The following DLGAP1 variants were observed in gnomAD, a reference collection of about 807,000 sequenced individuals.
The protein encoded by DLGAP1 is DLG associated protein 1.
A neutral mutation model predicts 90.8 loss-of-function variants in DLGAP1; 11 were observed. That is an observed-to-expected ratio of 0.12 (90% CI 0.08 to 0.20). The LOEUF is 0.20. Among genes scored for constraint, DLGAP1 ranks in the 10% least tolerant of loss-of-function variants. The probability of loss-of-function intolerance (pLI) is 1.00; values close to 1 mark genes in which losing one functional copy is unlikely to be tolerated. For synonymous variants in DLGAP1, 558 were observed against 540.7 expected (o/e 1.03, Z -0.44); for missense variants, 1,050 against 1,333.8 (o/e 0.79, Z 3.31).
chr18:3,555,819 T>A (rs7359834), intron 9 of DLGAP1, among the ~76,000 whole-genome samples: 17 of 151,868 alleles, frequency 1.1e-4, no homozygotes, highest in East Asian at 1.9e-4. Context: ...TCAAAAAAAA[T>A]AAATAAATAA....
At chr18:3,900,107 G>A (rs1412470234) in intron 3 of DLGAP1, among the ~76,000 whole-genome samples, 1 of 152,222 alleles carries the variant, frequency 6.6e-6, no homozygotes, top group South Asian at 2.1e-4. Flanking sequence ...TCCAGTGGCA[G>A]GTAGATAAGC....
chr18:4,176,638 C>G (rs112785616), intron 1 of DLGAP1, among the ~76,000 whole-genome samples: 1 of 152,162 alleles, frequency 6.6e-6, no homozygotes, highest in Non-Finnish European at 1.5e-5. Context: ...TGTTTGTAGC[C>G]TACAGGTTGC....
intron 1 of DLGAP1, among the ~76,000 whole-genome samples, chr18:4,211,442 T>A (rs2077838825): frequency 6.6e-6 from 1 of 152,176 alleles, no homozygotes; most frequent in African/African-American, 2.4e-5. Context: ...TTAATTACCA[T>A]TTTTGGTAGG....
intron 3 of DLGAP1, among the ~76,000 whole-genome samples, chr18:3,998,144 A>C (rs2074106678): frequency 6.6e-6 from 1 of 152,180 alleles, no homozygotes. Context: ...GCAATACTCA[A>C]ATTTTAAAAT....
At chr18:4,239,693 A>G (rs969471051) in intron 1 of DLGAP1, among the ~76,000 whole-genome samples, 2 of 152,210 alleles carry the variant, frequency 1.3e-5, no homozygotes, top group Non-Finnish European at 2.9e-5. Flanking sequence ...GAGATGCTAA[A>G]CAAAGTGTCT....
chr18:3,684,885 T>C (rs1230590347), intron 7 of DLGAP1, among the ~76,000 whole-genome samples: 3 of 152,244 alleles, frequency 2.0e-5, no homozygotes, highest in African/African-American at 7.2e-5. Flanking sequence ...AGTAACTTAT[T>C]TGATAAAGTC....
At chr18:3,986,036 C>G (rs559697630) in intron 3 of DLGAP1, 1 of 152,316 alleles carries the variant, frequency 6.6e-6, no homozygotes, top group South Asian at 2.1e-4. Context: ...GTTCTTATAA[C>G]AACACAGTCC....
intron 5 of DLGAP1, among the ~76,000 whole-genome samples, chr18:3,787,555 T>G (rs1001766730): frequency 2.7e-5 from 4 of 150,036 alleles, no homozygotes; most frequent in Non-Finnish European, 5.9e-5. Flanking sequence ...ATGAATTTCC[T>G]CGTGACTTCA....
In DLGAP1 at chr18:4,342,979, G is replaced by A. The variant is rs531313439; in HGVS notation, c.-267+112027C>T. On this transcript the variant is annotated intron_variant, in intron 1 of 12. Transcript: ENST00000315677. The surrounding 1 kb of genome is among the most constrained non-coding windows in gnomAD (Gnocchi z 5.8). ...TATTTCAGATTCAGGATTGTACTGG[G>A]ATAAATATAATCTAAATCATAGTTG... 2.6e-5 allele frequency among the ~76,000 whole-genome samples: 4 copies of A among 152,254 alleles called. No homozygotes were observed. The South Asian group carries it at 8.3e-4, about 32-fold the overall frequency.
At chr18:4,186,348 G>T (rs921912627) in intron 1 of DLGAP1, among the ~76,000 whole-genome samples, 1 of 152,074 alleles carries the variant, frequency 6.6e-6, no homozygotes, top group African/African-American at 2.4e-5. Context: ...ATCAATCTCT[G>T]CTAGTTCCTA....
chr18:3,816,006 A>G (rs2148446872), intron 4 of DLGAP1, among the ~76,000 whole-genome samples: 1 of 152,324 alleles, frequency 6.6e-6, no homozygotes, highest in African/African-American at 2.4e-5. Flanking sequence ...GAAAATAAAA[A>G]GGCTTTTAAT....
intron 9 of DLGAP1, among the ~76,000 whole-genome samples, chr18:3,543,311 C>T (rs963868598): frequency 1.7e-4 from 26 of 152,050 alleles, no homozygotes; most frequent in African/African-American, 6.0e-4. Flanking sequence ...GATGGGACTA[C>T]AGGCGCCCAC....
intron 7 of DLGAP1, among the ~76,000 whole-genome samples, chr18:3,699,151 G>A (rs753863176): frequency 2.0e-5 from 3 of 151,984 alleles, no homozygotes; most frequent in Non-Finnish European, 2.9e-5. Context: ...CCATCAATTC[G>A]TCAAACTCAT....
chr18:3,772,157 TTTCTTTCTCTCCTTC>T lies in DLGAP1; in HGVS notation c.1173-29660_1173-29646del, dbSNP rs1471880203. ...TTCTTTCTCTCCTTCCTTCCTTCCC[TTTCTTTCTCTCCTTC>T]CTTTCTCTCCTTCCTTCCTTTCTCT... On this transcript the variant is annotated intron_variant, in intron 5 of 12. Transcript: ENST00000315677. Among the ~76,000 whole-genome samples, 145 of 129,380 alleles carry T rather than the reference TTTCTTTCTCTCCTTC, an allele frequency of 1.1e-3. 1 individual carries two copies. Among genetic ancestry groups the T allele is most frequent in the African/African-American group, 4.7e-3 (141 of 30,130 alleles). 84.9% of individuals were successfully genotyped at this position (129,380 alleles called of 152,430 possible). A position where few individuals can be genotyped will look rare whatever the true frequency, so the allele number is the denominator to read the frequency against.
Position 4,269,352 on chromosome 18 carries a change from A to AT in DLGAP1, c.-266-118066dup, listed in dbSNP as rs1354735064. On this transcript the variant is annotated intron_variant, in intron 1 of 12. Transcript: ENST00000315677. ...TATATACATATATATATATATATAT[A>AT]TATTTTTTTTTTTCTTTTTGAGACG... Among the ~76,000 whole-genome samples the AT allele has an allele frequency of 4.3e-3, 562 of 131,222 alleles. 4 individuals are homozygous for AT. The highest frequency in any genetic ancestry group is 0.014 in the African/African-American group (432 of 31,036). The allele number at this position is 131,222 out of a possible 152,430, so 86.1% of individuals were successfully genotyped here. A position where few individuals can be genotyped will look rare whatever the true frequency, so the allele number is the denominator to read the frequency against.
At chr18:4,133,222 C>T (rs751468297) in intron 2 of DLGAP1, among the ~76,000 whole-genome samples, 5 of 152,146 alleles carry the variant, frequency 3.3e-5, no homozygotes, top group African/African-American at 7.2e-5. Context: ...CCAGTAAGAA[C>T]ATGCCATGAG....
At chr18:3,609,224 T>A (rs1780802016) in intron 7 of DLGAP1, among the ~76,000 whole-genome samples, 1 of 152,112 alleles carries the variant, frequency 6.6e-6, no homozygotes, top group Non-Finnish European at 1.5e-5. Context: ...TTAAACATTT[T>A]TTTGTAGAGA....
chr18:3,799,072 T>C (rs1445434590), intron 5 of DLGAP1, among the ~76,000 whole-genome samples: 1 of 152,148 alleles, frequency 6.6e-6, no homozygotes, highest in Non-Finnish European at 1.5e-5. Flanking sequence ...CGGGGGGTTT[T>C]CACCAACTTG....
At chr18:4,440,120 C>CAAAA (rs35152199) in intron 1 of DLGAP1, among the ~76,000 whole-genome samples, 23 of 49,314 alleles carry the variant, frequency 4.7e-4, no homozygotes, top group South Asian at 9.1e-4. Flanking sequence ...ACTCCGTCAC[C>CAAAA]AAAAAAAAAA....
Sources: allele counts gnomAD v4.1 joint callset (sites outside exome capture counted in the v4.1 genomes callset), GRCh38; gene constraint gnomAD v4.1.1; non-coding constraint Gnocchi (gnomAD v3.1); transcripts MANE v1.5; gene names NCBI Gene and HGNC (gene_info 2026-07-23, HGNC 2026-07-21).